GNG12: variants seen among roughly 807,000 people sequenced by gnomAD.
GNG12 encodes guanine nucleotide-binding protein G(I)/G(S)/G(O) subunit gamma-12.
For missense variants in GNG12, 69 were observed against 83.8 expected (o/e 0.82, Z 0.69); for synonymous variants, 28 against 29.7 (o/e 0.94, Z 0.19).
At chr1:67,734,013 C>T (rs1646436558) in intron 2 of GNG12, among the ~76,000 whole-genome samples, 1 of 152,154 alleles carries the variant, frequency 6.6e-6, no homozygotes, top group Non-Finnish European at 1.5e-5. Context: ...ACGGTTTGCA[C>T]AGGCAGCTGC....
chr1:67,808,743 A>T (rs1024717394), intron 1 of GNG12, among the ~76,000 whole-genome samples: 2 of 152,156 alleles, frequency 1.3e-5, no homozygotes, highest in African/African-American at 2.4e-5. Context: ...ATCTAACAAC[A>T]TGTATAAGAT....
intron 2 of GNG12, among the ~76,000 whole-genome samples, chr1:67,742,662 A>T (rs999784970): frequency 6.6e-6 from 1 of 152,226 alleles, no homozygotes; most frequent in African/African-American, 2.4e-5. Flanking sequence ...AAAAAGAGAA[A>T]GAAATATTTT....
At chr1:67,772,429 C>T (rs1646680233) in intron 2 of GNG12, among the ~76,000 whole-genome samples, 1 of 152,200 alleles carries the variant, frequency 6.6e-6, no homozygotes, top group Non-Finnish European at 1.5e-5. Context: ...AATTTCCAAC[C>T]TTTCAAGTTT....
intron 2 of GNG12, among the ~76,000 whole-genome samples, chr1:67,736,769 G>A (rs1310254305): frequency 2.0e-5 from 3 of 152,276 alleles, no homozygotes; most frequent in Non-Finnish European, 4.4e-5. Context: ...AAAACCTAGG[G>A]GAGTGGGCTC....
intron 1 of GNG12, among the ~76,000 whole-genome samples, chr1:67,801,399 T>C (rs1490592802): frequency 6.6e-6 from 1 of 152,206 alleles, no homozygotes; most frequent in African/African-American, 2.4e-5. Flanking sequence ...TAGGAAGTGG[T>C]GGCCACAGGA....
At chr1:67,743,525 C>T (rs531593891) in intron 2 of GNG12, among the ~76,000 whole-genome samples, 5 of 152,202 alleles carry the variant, frequency 3.3e-5, no homozygotes, top group Admixed American at 2.6e-4. Flanking sequence ...AGATAAAGAC[C>T]GTGACAGGCC....
chr1:67,706,605 G>A (rs949007606), intron 3 of GNG12, among the ~76,000 whole-genome samples: 3 of 151,864 alleles, frequency 2.0e-5, no homozygotes, highest in Non-Finnish European at 2.9e-5. Flanking sequence ...CTATCTCCAG[G>A]CCCAGAGGAA....
At chr1:67,746,355 C>T (rs865862851) in intron 2 of GNG12, among the ~76,000 whole-genome samples, 12 of 152,268 alleles carry the variant, frequency 7.9e-5, no homozygotes, top group African/African-American at 2.6e-4. Context: ...TTTAAAAAGT[C>T]CCCACTTTCC....
chr1:67,724,430 G>A (rs765579195), intron 2 of GNG12, among the ~76,000 whole-genome samples: 1 of 152,114 alleles, frequency 6.6e-6, no homozygotes, highest in African/African-American at 2.4e-5. Context: ...TCACTCTGTC[G>A]CCAGGCTGGA....
intron 1 of GNG12, among the ~76,000 whole-genome samples, chr1:67,807,879 A>G (rs1195922693): frequency 6.6e-6 from 1 of 152,144 alleles, no homozygotes; most frequent in Non-Finnish European, 1.5e-5. Flanking sequence ...ATTCTTCTAA[A>G]CACTTAAGGA....
intron 2 of GNG12, among the ~76,000 whole-genome samples, chr1:67,736,837 C>T (rs919729014): frequency 2.6e-5 from 4 of 152,164 alleles, no homozygotes; most frequent in Non-Finnish European, 4.4e-5. Context: ...AGTTTCCTCA[C>T]GTAAGATGAG....
chr1:67,761,780 C>A (rs1646606423), intron 2 of GNG12, among the ~76,000 whole-genome samples: 1 of 152,178 alleles, frequency 6.6e-6, no homozygotes, highest in Admixed American at 6.5e-5. Context: ...ACACCATCCG[C>A]TTTCTGTCGG....
chr1:67,776,321 C>T (rs1193564497), intron 2 of GNG12, among the ~76,000 whole-genome samples: 6 of 152,116 alleles, frequency 3.9e-5, no homozygotes, highest in African/African-American at 1.4e-4. Flanking sequence ...TTTCCATGTG[C>T]CCCATAAACA....
intron 1 of GNG12, among the ~76,000 whole-genome samples, chr1:67,778,247 C>T (rs1257026955): frequency 6.6e-6 from 1 of 151,972 alleles, no homozygotes; most frequent in East Asian, 1.9e-4. Flanking sequence ...ACACATAATA[C>T]AGAAATCATT....
chr1:67,827,216 C>A (rs1179041149), intron 1 of GNG12, among the ~76,000 whole-genome samples: 2 of 152,170 alleles, frequency 1.3e-5, no homozygotes, highest in African/African-American at 4.8e-5. Context: ...CATGACCTTG[C>A]CTGCAAGGGG....
At chr1:67,816,468 T>G (rs1239262118) in intron 1 of GNG12, among the ~76,000 whole-genome samples, 1 of 152,196 alleles carries the variant, frequency 6.6e-6, no homozygotes, top group African/African-American at 2.4e-5. Context: ...TCATCTGGAC[T>G]CCTGTTCCTC....
chr1:67,716,746 G>C (rs1302930145), intron 2 of GNG12, among the ~76,000 whole-genome samples: 1 of 152,220 alleles, frequency 6.6e-6, no homozygotes, highest in African/African-American at 2.4e-5. Context: ...AGGGGTTGCT[G>C]TTATTCAGAC....
chr1:67,743,162 C>T (rs1410014236), intron 2 of GNG12, among the ~76,000 whole-genome samples: 2 of 152,098 alleles, frequency 1.3e-5, no homozygotes, highest in Non-Finnish European at 2.9e-5. Context: ...ACCATGAAGC[C>T]ACCTTCCGGG....
chr1:67,711,407 G>A (rs1295553141), intron 2 of GNG12, among the ~76,000 whole-genome samples: 1 of 151,386 alleles, frequency 6.6e-6, no homozygotes, highest in East Asian at 1.9e-4. Flanking sequence ...AGCTCACATA[G>A]GATCCTGAGC....
Sources: allele counts gnomAD v4.1 joint callset (sites outside exome capture counted in the v4.1 genomes callset), GRCh38; gene constraint gnomAD v4.1.1; transcripts MANE v1.5; gene names NCBI Gene and HGNC (gene_info 2026-07-23, HGNC 2026-07-21).